PRLR: variants seen among roughly 807,000 people sequenced by gnomAD.
PRLR encodes the protein hPRL receptor.
Under a neutral mutation model 40.2 loss-of-function variants are expected in PRLR, and 13 were observed. The ratio of observed to expected loss-of-function variants is 0.32; its 90% CI spans 0.21 to 0.51. The LOEUF (loss-of-function observed/expected upper bound fraction) is 0.51. Ranked by LOEUF, PRLR falls within the 20% of genes least tolerant of loss-of-function variation. PRLR has a pLI of 0.97. For synonymous variants in PRLR, 269 were observed against 278.7 expected (o/e 0.97, Z 0.35); for missense variants, 656 against 747.3 (o/e 0.88, Z 1.42).
intron 2 of PRLR, among the ~76,000 whole-genome samples, chr5:35,104,206 G>A (rs562072850): frequency 6.6e-6 from 1 of 152,176 alleles, no homozygotes; most frequent in Non-Finnish European, 1.5e-5. Flanking sequence ...CACATGTAGG[G>A]CACACTGAAC....
At chr5:35,054,974 A>G (rs80041586), downstream of PRLR, among the ~76,000 whole-genome samples, 2,273 of 152,308 alleles carry the variant, frequency 0.015, 64 homozygotes, top group African/African-American at 0.052. Flanking sequence ...ATATTAAATG[A>G]ATCTTTGTTA....
intron 1 of PRLR, among the ~76,000 whole-genome samples, chr5:35,141,845 C>T (rs949257428): frequency 1.3e-5 from 2 of 152,180 alleles, no homozygotes; most frequent in Non-Finnish European, 2.9e-5. Context: ...GCCCCTGGAC[C>T]ACTCTATCAT....
In PRLR at chr5:35,065,314, C is replaced by T. The variant is rs1769285718; in HGVS notation, c.1644G>A (p.Lys548=). ...GTPENNKEYA[K]VSGVMDNNIL... ...TGTTGTTATCCATGACCCCGGACACCTTGGCATACTCCTTATTGTTCTCAG... is the reference window on the plus strand; with the variant it reads ...TGTTGTTATCCATGACCCCGGACACTTTGGCATACTCCTTATTGTTCTCAG... The change falls in exon 10 of 10, where the codon AAG becomes AAA. Residue 548 remains lysine (K), a synonymous_variant. Transcript: ENST00000618457. 3 of 1,614,180 alleles carry T rather than the reference C, an allele frequency of 1.9e-6. No individual in the cohort carries two copies. The highest frequency in any genetic ancestry group is 2.5e-6 in the Non-Finnish European group (3 of 1,180,030).
exon 9 of PRLR, chr5:35,049,285 C>T (rs1487885419): frequency 1.4e-6 from 1 of 703,380 alleles, no homozygotes; most frequent in East Asian, 2.7e-5. Context: ...TGCTCTTCAG[C>T]TCTACTGGAC....
intron 1 of PRLR, among the ~76,000 whole-genome samples, chr5:35,144,149 A>G (rs1481027760): frequency 1.3e-5 from 2 of 150,370 alleles, no homozygotes; most frequent in Admixed American, 6.6e-5. Flanking sequence ...AAAACCCAGA[A>G]CAACAGAACA....
At chr5:35,223,033 C>T (rs752199628) in intron 1 of PRLR, among the ~76,000 whole-genome samples, 10 of 152,234 alleles carry the variant, frequency 6.6e-5, no homozygotes, top group Admixed American at 5.9e-4. Context: ...CCCCAAAGTA[C>T]ACAGAGGACA....
At position 35,124,709 on chromosome 5, in the gene PRLR, T is replaced by C. The variant is rs562254944; in HGVS notation, c.-105-6587A>G. ...TTTCTGACCTCTCGTTCTTGACAAA[T>C]AACCATGATGGCAGACTTCTCTGGG... On this transcript the variant is annotated intron_variant, in intron 1 of 9. Coordinates refer to ENST00000618457, the MANE Select transcript of PRLR (RefSeq NM_000949.7). Among the ~76,000 whole-genome samples, 276 of 152,158 alleles carry C rather than the reference T, an allele frequency of 1.8e-3. 1 individual carries two copies. Among genetic ancestry groups the C allele is most frequent in the African/African-American group, 6.1e-3 (255 of 41,530 alleles).
At chr5:35,209,929 A>T (rs1776127204) in intron 1 of PRLR, among the ~76,000 whole-genome samples, 1 of 152,072 alleles carries the variant, frequency 6.6e-6, no homozygotes, top group Admixed American at 6.6e-5. Context: ...TTCTTTTAAA[A>T]ACTACGCACG....
intron 1 of PRLR, among the ~76,000 whole-genome samples, chr5:35,176,798 C>T (rs1382612943): frequency 1.3e-5 from 2 of 152,208 alleles, no homozygotes; most frequent in Non-Finnish European, 2.9e-5. Context: ...CCCAGCCCGA[C>T]ACCCGTAAAG....
chr5:35,096,490 A>C (rs1771542338), intron 2 of PRLR, among the ~76,000 whole-genome samples: 1 of 152,244 alleles, frequency 6.6e-6, no homozygotes, highest in Non-Finnish European at 1.5e-5. Flanking sequence ...ATCAGTTACT[A>C]ACAATCAAAA....
intron 7 of PRLR, among the ~76,000 whole-genome samples, chr5:35,069,687 C>A (rs1431873671): frequency 6.6e-6 from 1 of 152,224 alleles, no homozygotes. Context: ...AATTAAGGTG[C>A]TTTGCTGGAG....
chr5:35,098,831 T>A (rs1771690116), intron 2 of PRLR, among the ~76,000 whole-genome samples: 1 of 152,138 alleles, frequency 6.6e-6, no homozygotes, highest in Non-Finnish European at 1.5e-5. Context: ...TTTGGATCTT[T>A]AAGGGGCCCA....
At chr5:35,166,363 T>C (rs1774826685) in intron 1 of PRLR, among the ~76,000 whole-genome samples, 1 of 152,188 alleles carries the variant, frequency 6.6e-6, no homozygotes, top group Non-Finnish European at 1.5e-5. Flanking sequence ...TTGTTTAATG[T>C]GACAACTGGA....
chr5:35,136,262 T>C (rs574840481), intron 1 of PRLR, among the ~76,000 whole-genome samples: 223 of 152,292 alleles, frequency 1.5e-3, no homozygotes, highest in Middle Eastern at 6.8e-3. Context: ...CAATTGAATT[T>C]CTTAGGTACA....
At chr5:35,094,824 CTTTTTTTTTTTT>C (rs143791323) in intron 2 of PRLR, among the ~76,000 whole-genome samples, 1 of 113,982 alleles carries the variant, frequency 8.8e-6, no homozygotes, top group Admixed American at 9.0e-5. Flanking sequence ...AGGAGTTGGG[CTTTTTTTTTTTT>C]TTTTTTTTTG....
intron 2 of PRLR, among the ~76,000 whole-genome samples, chr5:35,100,955 G>T (rs900707812): frequency 2.6e-5 from 4 of 152,194 alleles, no homozygotes; most frequent in African/African-American, 9.7e-5. Context: ...AAGAGGCTGG[G>T]TGTTATAATG....
intron 1 of PRLR, among the ~76,000 whole-genome samples, chr5:35,140,331 A>C (rs1773981940): frequency 6.6e-6 from 1 of 152,186 alleles, no homozygotes; most frequent in Non-Finnish European, 1.5e-5. Context: ...GTCTGTAATA[A>C]TCCTTTTGAG....
chr5:35,123,402 A>G (rs915448893), intron 1 of PRLR, among the ~76,000 whole-genome samples: 5 of 152,080 alleles, frequency 3.3e-5, no homozygotes, highest in Non-Finnish European at 5.9e-5. Context: ...GACTAAAAAC[A>G]TAAGTGACAT....
chr5:35,116,038 T>C (rs1561313598), intron 2 of PRLR, among the ~76,000 whole-genome samples: 1 of 152,208 alleles, frequency 6.6e-6, no homozygotes, highest in Non-Finnish European at 1.5e-5. Context: ...TTCAAGTTCC[T>C]GCCTGTGATT....
Sources: allele counts gnomAD v4.1 joint callset (sites outside exome capture counted in the v4.1 genomes callset), GRCh38; gene constraint gnomAD v4.1.1; transcripts MANE v1.5; gene names NCBI Gene and HGNC (gene_info 2026-07-23, HGNC 2026-07-21).